The following HYAL2 variants were observed in gnomAD, a reference collection of about 807,000 sequenced individuals.
HYAL2 encodes the protein hyaluronidase-2.
In HYAL2, 30 loss-of-function variants were observed where a neutral mutation model predicts 35.4. The observed-to-expected ratio is 0.85, with a 90% CI of 0.63 to 1.15. HYAL2 has a LOEUF of 1.15. Among genes scored for constraint, HYAL2 ranks in the 50% most tolerant of loss-of-function variants. The probability of loss-of-function intolerance (pLI) is 0.00; values close to 1 mark genes in which losing one functional copy is unlikely to be tolerated. For synonymous variants in HYAL2, 262 were observed against 252.8 expected (o/e 1.04, Z -0.34); for missense variants, 635 against 646.5 (o/e 0.98, Z 0.19).
At chr3:50,321,647 C>A (rs1287460105) in intron 1 of HYAL2, 1 of 152,100 alleles carries the variant, frequency 6.6e-6, no homozygotes, top group African/African-American at 2.4e-5. Flanking sequence ...CCATTTAGGA[C>A]CCTAATGCCC....
chr3:50,320,097 G>A lies in HYAL2; in HGVS notation c.393C>T (p.Val131=). 1 of 1,613,740 alleles carries A rather than the reference G, an allele frequency of 6.2e-7. No homozygotes were observed. The highest frequency in any genetic ancestry group is 8.5e-7 in the Non-Finnish European group (1 of 1,180,044). ...CAGGTCGCCAGTCCTCCCAGTCGAT[G>A]ACCGCCAGCCCCGCAGACTCCTGTG... is the stretch of plus-strand genomic sequence containing the variant. ...IRTQESAGLA[V]IDWEDWRPVW... The change falls in exon 2 of 4, where the codon GTC becomes GTT. Residue 131 remains valine (V), a synonymous_variant. Coordinates refer to ENST00000357750, the MANE Select transcript of HYAL2 (RefSeq NM_003773.5). The surrounding 1 kb of genome is among the most constrained non-coding windows in gnomAD (Gnocchi z 4.8).
chr3:50,318,000 G>A lies in HYAL2; in HGVS notation c.*129C>T. On this transcript the variant is annotated 3_prime_UTR_variant, in exon 4 of 4. Transcript: ENST00000357750. ...CAGGGGGGTGCGAGCTGGTATGGAT[G>A]CCCTCCTGGGCTTCCTGGGGGCTCT... The A allele has an allele frequency of 1.0e-6, 1 of 994,162 alleles. No individual in the cohort carries two copies. Among genetic ancestry groups the A allele is most frequent in the Non-Finnish European group, 1.5e-6 (1 of 669,062 alleles). 61.6% of individuals were successfully genotyped at this position (994,162 alleles called of 1,614,324 possible). A position where few individuals can be genotyped will look rare whatever the true frequency, so the allele number is the denominator to read the frequency against.
Position 50,317,959 on chromosome 3 carries a change from C to G in HYAL2, c.*170G>C. ...GAGAGAAGGGGCCTCCCAGGGACTTCCCCTCCCCCTTAGAACAGGGGGGTG... is the reference window on the plus strand; with the variant it reads ...GAGAGAAGGGGCCTCCCAGGGACTTGCCCTCCCCCTTAGAACAGGGGGGTG... On this transcript the variant is annotated 3_prime_UTR_variant, in exon 4 of 4. Transcript: ENST00000357750. 1.5e-6 allele frequency: 1 copy of G among 655,694 alleles called. No individual in the cohort carries two copies. Among genetic ancestry groups the G allele is most frequent in the Non-Finnish European group, 2.5e-6 (1 of 395,550 alleles). The allele number at this position is 655,694 out of a possible 1,614,324, so 40.6% of individuals were successfully genotyped here.
In HYAL2 at chr3:50,318,706, G is replaced by C; in HGVS notation, c.1012-167C>G. Reference sequence around the variant, plus strand: ...CAGTCCCTGCTCCTGCTGAGAAGTGGGTGGGGGTACAGACCGGAACCCAGT... The same window carrying C: ...CAGTCCCTGCTCCTGCTGAGAAGTGCGTGGGGGTACAGACCGGAACCCAGT... On this transcript the variant is annotated intron_variant, in intron 3 of 3. Coordinates refer to ENST00000357750, the MANE Select transcript of HYAL2 (RefSeq NM_003773.5). This position sits in a 1 kb window ranked among gnomAD's most constrained non-coding sequence, Gnocchi z 4.5. 1 of 765,278 alleles carries C rather than the reference G, an allele frequency of 1.3e-6. No individual in the cohort carries two copies. Among genetic ancestry groups the C allele is most frequent in the Non-Finnish European group, 2.1e-6 (1 of 482,446 alleles). 47.4% of individuals were successfully genotyped at this position (765,278 alleles called of 1,614,324 possible). A position where few individuals can be genotyped will look rare whatever the true frequency, so the allele number is the denominator to read the frequency against.
chr3:50,317,846 AAATAAT>A lies in HYAL2; in HGVS notation c.*277_*282del, dbSNP rs1220891061. The A allele has an allele frequency of 1.7e-5, 6 of 344,612 alleles. No individual in the cohort carries two copies. In the Admixed American group the frequency reaches 2.2e-4, roughly 13 times the overall value. 21.3% of individuals were successfully genotyped at this position (344,612 alleles called of 1,614,324 possible). On this transcript the variant is annotated 3_prime_UTR_variant, in exon 4 of 4. Transcript: ENST00000357750. ...TGTTTAATTTACAAAAGAGACCCCAAAATAATAATAATAATAAACTATCTAGGGCAA... is the reference window on the plus strand; with the variant it reads ...TGTTTAATTTACAAAAGAGACCCCAAAATAATAATAAACTATCTAGGGCAA...
At chr3:50,321,296 G>C (rs2109326927) in intron 1 of HYAL2, 1 of 152,210 alleles carries the variant, frequency 6.6e-6, no homozygotes, top group South Asian at 2.1e-4. Flanking sequence ...GCCTCTCCGC[G>C]AGCACCCCCG....
chr3:50,321,800 G>C (rs1553716774), intron 1 of HYAL2: 1 of 119,496 alleles, frequency 8.4e-6, no homozygotes, highest in Non-Finnish European at 1.6e-5. Flanking sequence ...TGAGGGACAA[G>C]GCAGGGGGAC....
At position 50,320,082 on chromosome 3, in the gene HYAL2, G is replaced by C. The variant is rs1006578464; in HGVS notation, c.408C>G (p.Asp136Glu). Residue 136 changes from aspartate (D) to glutamate (E), a missense_variant, in exon 2 of 4, where the codon GAC becomes GAG. Transcript: ENST00000357750. This position sits in a 1 kb window ranked among gnomAD's most constrained non-coding sequence, Gnocchi z 4.8. Reference sequence around the variant, plus strand: ...AGTTGCGCACCCACACAGGTCGCCAGTCCTCCCAGTCGATGACCGCCAGCC... The same window carrying C: ...AGTTGCGCACCCACACAGGTCGCCACTCCTCCCAGTCGATGACCGCCAGCC... ...SAGLAVIDWE[D>E]WRPVWVRNWQ... The C allele has an allele frequency of 6.2e-7, 1 of 1,613,486 alleles. No homozygotes were observed. The highest frequency in any genetic ancestry group is 8.5e-7 in the Non-Finnish European group (1 of 1,180,040).
Position 50,319,240 on chromosome 3 carries a change from TCA to T in HYAL2, c.922-197_922-196del, listed in dbSNP as rs1553716088. 5.9e-5 allele frequency among the ~76,000 whole-genome samples: 9 copies of T among 152,304 alleles called. 2 individuals are homozygous for T. On this transcript the variant is annotated intron_variant, in intron 2 of 3. Transcript: ENST00000357750. Reference sequence around the variant, plus strand: ...TCCATTTCCACCCCACTTTTGGGGCTCAGTTTCCCAAGCCAAGGGCACACTTG... The same window carrying T: ...TCCATTTCCACCCCACTTTTGGGGCTGTTTCCCAAGCCAAGGGCACACTTG...
Position 50,319,810 on chromosome 3 carries a change from C to T in HYAL2, c.680G>A (p.Cys227Tyr). 1 of 1,613,780 alleles carries T rather than the reference C, an allele frequency of 6.2e-7. No homozygotes were observed. The highest frequency in any genetic ancestry group is 8.5e-7 in the Non-Finnish European group (1 of 1,180,040). The part of the protein sequence containing the change: ...VQNWESYTGR[C>Y]PDVEVARNDQ... ...ATTGCGGGCCACCTCAACATCAGGG[C>T]AGCGGCCTGTGTAGCTCTCCCAGTT... The change falls in exon 2 of 4, where the codon TGC becomes TAC. Residue 227 changes from cysteine to tyrosine, a missense_variant. By Grantham distance (194) the Cys-to-Tyr change is radical (BLOSUM62 -2). Transcript: ENST00000357750.
chr3:50,318,762 G>T lies in HYAL2; in HGVS notation c.1011+194C>A, dbSNP rs782597862. On this transcript the variant is annotated intron_variant, in intron 3 of 3. Transcript: ENST00000357750. This position sits in a 1 kb window ranked among gnomAD's most constrained non-coding sequence, Gnocchi z 4.5. ...AGATGGGGAAGGGCGGAACTCAACAGCTGTTCAGGACAGCATTTCCTCTTT... is the reference window on the plus strand; with the variant it reads ...AGATGGGGAAGGGCGGAACTCAACATCTGTTCAGGACAGCATTTCCTCTTT... The T allele has an allele frequency of 2.6e-5, 17 of 662,654 alleles. No homozygotes were observed. The highest frequency in any genetic ancestry group is 4.1e-5 in the Non-Finnish European group (16 of 386,928). The allele number at this position is 662,654 out of a possible 1,614,324, so 41.0% of individuals were successfully genotyped here. A position where few individuals can be genotyped will look rare whatever the true frequency, so the allele number is the denominator to read the frequency against.
chr3:50,318,055 C>A lies in HYAL2; in HGVS notation c.*74G>T, dbSNP rs782167270. On this transcript the variant is annotated 3_prime_UTR_variant, in exon 4 of 4. Transcript: ENST00000357750. The surrounding 1 kb of genome is among the most constrained non-coding windows in gnomAD (Gnocchi z 4.5). Reference sequence around the variant, plus strand: ...ACTCCAGACTCCAGTTTGTCCACCCCCTGCAGGGTCCTACATGCCTAAGAG... The same window carrying A: ...ACTCCAGACTCCAGTTTGTCCACCCACTGCAGGGTCCTACATGCCTAAGAG... The A allele has an allele frequency of 1.1e-4, 158 of 1,475,808 alleles. No homozygotes were observed. Among genetic ancestry groups the A allele is most frequent in the Non-Finnish European group, 1.3e-4 (146 of 1,099,898 alleles). The allele number at this position is 1,475,808 out of a possible 1,614,324, so 91.4% of individuals were successfully genotyped here. A position where few individuals can be genotyped will look rare whatever the true frequency, so the allele number is the denominator to read the frequency against.
chr3:50,321,830 A>G (rs1553716794), intron 1 of HYAL2: 1 of 109,930 alleles, frequency 9.1e-6, no homozygotes, highest in African/African-American at 3.5e-5. Flanking sequence ...GGGGGGGGGA[A>G]TAGGAGGAGG....
Position 50,320,406 on chromosome 3 carries a change from T to A in HYAL2, c.84A>T (p.Pro28=), listed in dbSNP as rs781826287. 3.1e-6 allele frequency: 5 copies of A among 1,608,528 alleles called. No homozygotes were observed. Among genetic ancestry groups the A allele is most frequent in the Non-Finnish European group, 4.2e-6 (5 of 1,176,878 alleles). Residue 28 remains proline, a synonymous_variant, in exon 2 of 4, where the codon CCA becomes CCT. Coordinates refer to ENST00000357750, the MANE Select transcript of HYAL2 (RefSeq NM_003773.5). The surrounding 1 kb of genome is among the most constrained non-coding windows in gnomAD (Gnocchi z 4.8). ...CAAAGGGCCGGCCAGTGAAGATGGG[T>A]GGTGCTGTGGGCTTGAGCTCCATGG... The part of the protein sequence containing the change: ...SWAMELKPTA[P]PIFTGRPFVV...
At chr3:50,321,825 G>C (rs1441117864) in intron 1 of HYAL2, 4 of 147,326 alleles carry the variant, frequency 2.7e-5, no homozygotes, top group Non-Finnish European at 4.5e-5. Flanking sequence ...AGGGGGGGGG[G>C]GGGAATAGGA....
Position 50,318,570 on chromosome 3 carries a change from G to C in HYAL2, c.1012-31C>G. On this transcript the variant is annotated intron_variant, in intron 3 of 3. Coordinates refer to ENST00000357750, the MANE Select transcript of HYAL2 (RefSeq NM_003773.5). The surrounding 1 kb of genome is among the most constrained non-coding windows in gnomAD (Gnocchi z 4.5). ...GGCAGAAGACAAGGACCACAGGTCA[G>C]GGTCAGCTGCCTCAGCCCACAGGCC... The C allele has an allele frequency of 1.3e-6, 2 of 1,566,260 alleles. No homozygotes were observed. The highest frequency in any genetic ancestry group is 1.7e-6 in the Non-Finnish European group (2 of 1,153,544).
In HYAL2 at chr3:50,318,955, C is replaced by G; in HGVS notation, c.1011+1G>C. On this transcript the variant is annotated splice_donor_variant, in intron 3 of 3. Coordinates refer to ENST00000357750, the MANE Select transcript of HYAL2 (RefSeq NM_003773.5). LOFTEE classifies it high-confidence loss of function. This position sits in a 1 kb window ranked among gnomAD's most constrained non-coding sequence, Gnocchi z 4.5. ...GCTCTGGCAGGCTGGGTCTCGCTTA[C>G]CGTGCTTGTGGTGTACCCCGCGTCA... 6.2e-7 allele frequency: 1 copy of G among 1,613,338 alleles called. No individual in the cohort carries two copies. The highest frequency in any genetic ancestry group is 8.5e-7 in the Non-Finnish European group (1 of 1,179,498).
rs1400836859 is a variant in HYAL2 at position 50,319,860 on chromosome 3, G to C, written c.630C>G (p.Asp210Glu). 1 of 1,613,656 alleles carries C rather than the reference G, an allele frequency of 6.2e-7. No homozygotes were observed. The highest frequency in any genetic ancestry group is 1.3e-5 in the African/African-American group (1 of 74,952). Reference sequence around the variant, plus strand: ...TCTGCACATAATCATGATTGTAGCAGTCAGGAAAGAGGTAGAAGCCCCAGA... The same window carrying C: ...TCTGCACATAATCATGATTGTAGCACTCAGGAAAGAGGTAGAAGCCCCAGA... ...RHLWGFYLFP[D>E]CYNHDYVQNW... Residue 210 changes from aspartate to glutamate, a missense_variant, in exon 2 of 4, where the codon GAC becomes GAG. Physicochemically the swap from Asp to Glu is conservative, Grantham distance 45. Transcript: ENST00000357750.
chr3:50,319,085 C>A, intron 2 of HYAL2, 40 bp from the exon 3 acceptor site: 1 of 1,456,280 alleles, frequency 6.9e-7, no homozygotes, highest in Non-Finnish European at 9.5e-7. Flanking sequence ...AAGACTGAGA[C>A]CACAGGGTGA....
Sources: allele counts gnomAD v4.1 joint callset (sites outside exome capture counted in the v4.1 genomes callset), GRCh38; gene constraint gnomAD v4.1.1; non-coding constraint Gnocchi (gnomAD v3.1); transcripts MANE v1.5; gene names NCBI Gene and HGNC (gene_info 2026-07-23, HGNC 2026-07-21).